PRKCB: variants seen among roughly 807,000 people sequenced by gnomAD.
The protein encoded by PRKCB is protein kinase C beta type.
A neutral mutation model predicts 81.5 loss-of-function variants in PRKCB; 13 were observed. The ratio of observed to expected loss-of-function variants is 0.16; its 90% CI spans 0.10 to 0.25. PRKCB has a LOEUF of 0.25. PRKCB is among the 10% of genes least tolerant of loss of function. The pLI is 1.00. For missense variants in PRKCB, 509 were observed against 875.7 expected, an observed-to-expected ratio of 0.58 and a Z score of 5.29; for synonymous variants, 335 against 321.4, an observed-to-expected ratio of 1.04 and a Z score of -0.45.
At chr16:23,984,658 C>CAAAG (rs918649232) in intron 2 of PRKCB, among the ~76,000 whole-genome samples, 3 of 151,766 alleles carry the variant, frequency 2.0e-5, no homozygotes, top group African/African-American at 7.3e-5. Flanking sequence ...AAGAAAGAAA[C>CAAAG]AAAGAAAGAG....
intron 4 of PRKCB, among the ~76,000 whole-genome samples, chr16:24,033,342 G>A (rs1965571874): frequency 6.6e-6 from 1 of 152,204 alleles, no homozygotes; most frequent in African/African-American, 2.4e-5. Context: ...TGCATAGACA[G>A]ACACAGATGC....
At chr16:24,131,395 C>A (rs531889011) in intron 9 of PRKCB, among the ~76,000 whole-genome samples, 1 of 152,312 alleles carries the variant, frequency 6.6e-6, no homozygotes, top group Non-Finnish European at 1.5e-5. Flanking sequence ...TGTGGAGGGT[C>A]TGGTGGTGGC....
intron 2 of PRKCB, among the ~76,000 whole-genome samples, chr16:23,878,977 A>T (rs1265104837): frequency 1.3e-5 from 2 of 152,072 alleles, no homozygotes; most frequent in African/African-American, 4.8e-5. Flanking sequence ...GGAGTTCAAG[A>T]CCAGGCTGGC....
chr16:23,838,174 G>A (rs1962202771), intron 2 of PRKCB, among the ~76,000 whole-genome samples: 1 of 152,218 alleles, frequency 6.6e-6, no homozygotes, highest in Non-Finnish European at 1.5e-5. Flanking sequence ...CCGCAGCTCT[G>A]TGTAGCCCTT....
intron 2 of PRKCB, among the ~76,000 whole-genome samples, chr16:23,957,710 G>A (rs553013261): frequency 4.5e-4 from 68 of 149,522 alleles, no homozygotes; most frequent in Non-Finnish European, 6.9e-4. Flanking sequence ...ACACCCCTTT[G>A]TACTCTTCCC....
At chr16:24,192,322 G>A (rs530527088) in intron 16 of PRKCB, among the ~76,000 whole-genome samples, 16 of 152,150 alleles carry the variant, frequency 1.1e-4, no homozygotes, top group Non-Finnish European at 2.2e-4. Flanking sequence ...TTAATGTCCC[G>A]GTGTAGAGTC....
intron 2 of PRKCB, among the ~76,000 whole-genome samples, chr16:23,910,293 G>T (rs185088369): frequency 6.6e-6 from 1 of 152,294 alleles, no homozygotes; most frequent in African/African-American, 2.4e-5. Flanking sequence ...ATCCTTTAGA[G>T]CAAAGTTTCC....
At chr16:23,957,818 A>G (rs192260107) in intron 2 of PRKCB, among the ~76,000 whole-genome samples, 7 of 152,160 alleles carry the variant, frequency 4.6e-5, no homozygotes, top group Admixed American at 4.6e-4. Context: ...ACCTTCAGGG[A>G]TTGCAAATCG....
chr16:24,154,628 A>G lies in PRKCB; in HGVS notation c.1066-56A>G, dbSNP rs1225469306. ...GGCTACAAATGAACACCAGCTGCTC[A>G]TAACTGGCCCCCAGACTCCTTCCAA... On this transcript the variant is annotated intron_variant, in intron 9 of 16. Transcript: ENST00000643927. 3.2e-6 allele frequency: 5 copies of G among 1,574,744 alleles called. No individual in the cohort carries two copies. In the African/African-American group the frequency reaches 5.4e-5, roughly 17 times the overall value.
intron 2 of PRKCB, among the ~76,000 whole-genome samples, chr16:23,888,674 G>A (rs897238245): frequency 6.8e-6 from 1 of 148,110 alleles, no homozygotes; most frequent in African/African-American, 2.7e-5. Context: ...CATGTTTCTC[G>A]ACCACAACCT....
At chr16:24,165,467 A>G in intron 10 of PRKCB, among the ~76,000 whole-genome samples, 1 of 152,234 alleles carries the variant, frequency 6.6e-6, no homozygotes, top group Non-Finnish European at 1.5e-5. Context: ...GCCTAATGCC[A>G]TGACTTGCAA....
chr16:23,909,567 C>T (rs150510774), intron 2 of PRKCB, among the ~76,000 whole-genome samples: 4 of 152,142 alleles, frequency 2.6e-5, no homozygotes, highest in Admixed American at 6.5e-5. Context: ...AACCATCACC[C>T]AAATAATGTA....
chr16:23,872,835 A>C (rs1962928117), intron 2 of PRKCB, among the ~76,000 whole-genome samples: 1 of 151,876 alleles, frequency 6.6e-6, no homozygotes, highest in South Asian at 2.1e-4. Context: ...ATCATGTGTG[A>C]TTGAAGAGCA....
chr16:24,160,057 C>T (rs1244549352), intron 10 of PRKCB, among the ~76,000 whole-genome samples: 1 of 151,950 alleles, frequency 6.6e-6, no homozygotes, highest in African/African-American at 2.4e-5. Flanking sequence ...TTCACAAAAG[C>T]ACTATAAGTA....
At chr16:24,181,970 G>A (rs1967633994) in intron 13 of PRKCB, among the ~76,000 whole-genome samples, 1 of 152,000 alleles carries the variant, frequency 6.6e-6, no homozygotes, top group Non-Finnish European at 1.5e-5. Flanking sequence ...AGCTATTTCT[G>A]TATACTGCTG....
At chr16:23,973,762 C>T (rs1360906675) in intron 2 of PRKCB, among the ~76,000 whole-genome samples, 1 of 152,148 alleles carries the variant, frequency 6.6e-6, no homozygotes, top group Non-Finnish European at 1.5e-5. Flanking sequence ...CTCACTGCAG[C>T]CTCGACCTCC....
At chr16:23,920,798 G>A (rs140505013) in intron 2 of PRKCB, among the ~76,000 whole-genome samples, 5 of 152,244 alleles carry the variant, frequency 3.3e-5, no homozygotes, top group African/African-American at 7.2e-5. Context: ...AGAAGTGTTC[G>A]GCTCCACCCA....
At chr16:24,174,422 C>T (rs1967494946) in intron 11 of PRKCB, 96 bp from the exon 12 acceptor site, 2 of 1,116,472 alleles carry the variant, frequency 1.8e-6, no homozygotes, top group Admixed American at 2.1e-5. Context: ...CTTTAATGTC[C>T]TACACCTAGT....
intron 2 of PRKCB, among the ~76,000 whole-genome samples, chr16:23,941,343 C>T (rs531161228): frequency 1.3e-5 from 2 of 152,252 alleles, no homozygotes; most frequent in South Asian, 4.1e-4. Flanking sequence ...ACAAATGATC[C>T]TTTTGGTTTT....
Sources: allele counts gnomAD v4.1 joint callset (sites outside exome capture counted in the v4.1 genomes callset), GRCh38; gene constraint gnomAD v4.1.1; transcripts MANE v1.5; gene names NCBI Gene and HGNC (gene_info 2026-07-23, HGNC 2026-07-21).